The following SLC24A3 variants were observed in gnomAD, a reference collection of about 807,000 sequenced individuals.
SLC24A3 encodes the protein solute carrier family 24 member 3.
Under a neutral mutation model 75.8 loss-of-function variants are expected in SLC24A3, and 28 were observed. That is an observed-to-expected ratio of 0.37 (90% CI 0.27 to 0.51). The LOEUF is 0.51. Ranked by LOEUF, SLC24A3 falls within the 20% of genes least tolerant of loss-of-function variation. The pLI is 0.94. For missense variants in SLC24A3, 663 were observed against 847.8 expected (o/e 0.78, Z 2.71); for synonymous variants, 372 against 334.1 (o/e 1.11, Z -1.24).
intron 2 of SLC24A3, among the ~76,000 whole-genome samples, chr20:19,330,923 C>T (rs2122292415): frequency 6.6e-6 from 1 of 152,282 alleles, no homozygotes; most frequent in East Asian, 1.9e-4. Context: ...GCAAGGAAGG[C>T]ATGACTTGAA....
chr20:19,303,203 T>C (rs535908960), intron 2 of SLC24A3, among the ~76,000 whole-genome samples: 2 of 152,188 alleles, frequency 1.3e-5, no homozygotes, highest in Admixed American at 1.3e-4. Flanking sequence ...TGTTGTTCCT[T>C]TTAGTATCCG....
chr20:19,607,260 A>G (rs552935157), intron 6 of SLC24A3, among the ~76,000 whole-genome samples: 1 of 152,062 alleles, frequency 6.6e-6, no homozygotes, highest in African/African-American at 2.4e-5. Flanking sequence ...CTTCCTCCTG[A>G]AACCCCTCTT....
chr20:19,464,013 A>G (rs1469402259), intron 2 of SLC24A3, among the ~76,000 whole-genome samples: 3 of 152,232 alleles, frequency 2.0e-5, no homozygotes, highest in African/African-American at 7.2e-5. Context: ...GTGAAATACC[A>G]AGAATGAAAT....
intron 2 of SLC24A3, among the ~76,000 whole-genome samples, chr20:19,285,391 T>A (rs1018029008): frequency 7.3e-6 from 1 of 136,364 alleles, no homozygotes; most frequent in Non-Finnish European, 1.5e-5. Flanking sequence ...GGTGGAAGGA[T>A]CAACTGAGCC....
intron 2 of SLC24A3, among the ~76,000 whole-genome samples, chr20:19,481,455 A>G (rs754660202): frequency 5.9e-4 from 90 of 152,202 alleles, no homozygotes; most frequent in Non-Finnish European, 2.1e-4. Flanking sequence ...GTGGAAATTC[A>G]GGAGGCTGGC....
intron 1 of SLC24A3, among the ~76,000 whole-genome samples, chr20:19,245,564 A>G (rs926096592): frequency 6.6e-6 from 1 of 152,178 alleles, no homozygotes; most frequent in African/African-American, 2.4e-5. Flanking sequence ...AATTACTAAG[A>G]TAATACATTC....
intron 2 of SLC24A3, among the ~76,000 whole-genome samples, chr20:19,381,876 C>CT (rs1233887819): frequency 6.6e-6 from 1 of 152,138 alleles, no homozygotes; most frequent in Non-Finnish European, 1.5e-5. Flanking sequence ...AACATGGTGA[C>CT]TGGAGGGGCA....
chr20:19,720,572 C>G (rs573893937), intron 16 of SLC24A3, among the ~76,000 whole-genome samples: 1 of 152,084 alleles, frequency 6.6e-6, no homozygotes, highest in Admixed American at 6.5e-5. Context: ...CAGACGCAGC[C>G]GTAGGAAGAG....
intron 2 of SLC24A3, among the ~76,000 whole-genome samples, chr20:19,404,368 G>A (rs1986604621): frequency 6.6e-6 from 1 of 152,146 alleles, no homozygotes; most frequent in South Asian, 2.1e-4. Context: ...CAGCACTGTG[G>A]ACAAATAAAA....
At chr20:19,584,293 C>T (rs533820141) in intron 4 of SLC24A3, among the ~76,000 whole-genome samples, 27 of 152,260 alleles carry the variant, frequency 1.8e-4, no homozygotes, top group African/African-American at 6.5e-4. Flanking sequence ...CCCCCACTCC[C>T]ACTCTCTGAT....
At chr20:19,253,316 T>A (rs1037950737) in intron 1 of SLC24A3, among the ~76,000 whole-genome samples, 2 of 152,174 alleles carry the variant, frequency 1.3e-5, no homozygotes, top group African/African-American at 4.8e-5. Flanking sequence ...CATTTTCGCT[T>A]CAAGAGAGGC....
intron 2 of SLC24A3, among the ~76,000 whole-genome samples, chr20:19,503,341 T>A (rs1471486370): frequency 6.6e-6 from 1 of 152,192 alleles, no homozygotes; most frequent in East Asian, 1.9e-4. Context: ...ACATTTTTGG[T>A]TTGAATTAAT....
chr20:19,326,295 T>C (rs547938504), intron 2 of SLC24A3, among the ~76,000 whole-genome samples: 2 of 152,098 alleles, frequency 1.3e-5, no homozygotes, highest in East Asian at 3.9e-4. Context: ...GCCATCATCA[T>C]CCTCTGCCCA....
At chr20:19,297,483 C>T (rs1984088888) in intron 2 of SLC24A3, among the ~76,000 whole-genome samples, 1 of 152,200 alleles carries the variant, frequency 6.6e-6, no homozygotes, top group African/African-American at 2.4e-5. Flanking sequence ...TAGTTTGTGC[C>T]TGTTCTAGAA....
chr20:19,633,536 C>A (rs1600312151), intron 6 of SLC24A3, among the ~76,000 whole-genome samples: 1 of 149,642 alleles, frequency 6.7e-6, no homozygotes, highest in Non-Finnish European at 1.5e-5. Flanking sequence ...GTAGTCCCAG[C>A]TACTTGGGAG....
intron 2 of SLC24A3, among the ~76,000 whole-genome samples, chr20:19,303,596 C>CCAATGGT (rs1462230842): frequency 1.2e-4 from 19 of 152,300 alleles, no homozygotes; most frequent in Admixed American, 1.0e-3. Flanking sequence ...CTACTTTCCA[C>CCAATGGT]CAATGGTCTT....
intron 3 of SLC24A3, among the ~76,000 whole-genome samples, chr20:19,547,645 A>C (rs2030623071): frequency 6.6e-6 from 1 of 152,220 alleles, no homozygotes; most frequent in African/African-American, 2.4e-5. Flanking sequence ...TGTCCAGCAA[A>C]GAGATGTGCA....
chr20:19,327,274 C>T (rs73902312), intron 2 of SLC24A3, among the ~76,000 whole-genome samples: 2,985 of 152,210 alleles, frequency 0.02, 113 homozygotes, highest in African/African-American at 0.068. Context: ...GGGAGAGTGA[C>T]GGAGCAGCAG....
At chr20:19,454,077 G>C (rs1220258545) in intron 2 of SLC24A3, among the ~76,000 whole-genome samples, 1 of 152,200 alleles carries the variant, frequency 6.6e-6, no homozygotes, top group Non-Finnish European at 1.5e-5. Flanking sequence ...TCAGAGTTCA[G>C]GAGGCAGACA....
Sources: allele counts gnomAD v4.1 joint callset (sites outside exome capture counted in the v4.1 genomes callset), GRCh38; gene constraint gnomAD v4.1.1; transcripts MANE v1.5; gene names NCBI Gene and HGNC (gene_info 2026-07-23, HGNC 2026-07-21).